Variants in GNAL observed in about 807,000 individuals in gnomAD.
The protein encoded by GNAL is G protein subunit alpha L.
In GNAL, 18 loss-of-function variants were observed where a neutral mutation model predicts 55.1. The ratio of observed to expected loss-of-function variants is 0.33; its 90% CI spans 0.23 to 0.48. The LOEUF is 0.48. Ranked by LOEUF, GNAL falls within the 20% of genes least tolerant of loss-of-function variation. The pLI is 0.99. For missense variants in GNAL, 412 were observed against 614.1 expected (o/e 0.67, Z 3.48); for synonymous variants, 253 against 237.0 (o/e 1.07, Z -0.62).
At chr18:11,756,625 A>G (rs1044478765) in intron 4 of GNAL, among the ~76,000 whole-genome samples, 1 of 152,036 alleles carries the variant, frequency 6.6e-6, no homozygotes, top group African/African-American at 2.4e-5. Context: ...TGAAAATGCT[A>G]TTTTTAATTT....
At chr18:11,699,621 A>G (rs1366082617) in intron 1 of GNAL, among the ~76,000 whole-genome samples, 1 of 151,974 alleles carries the variant, frequency 6.6e-6, no homozygotes, top group African/African-American at 2.4e-5. Flanking sequence ...ATTACCTTCT[A>G]TCAGCTAAAG....
intron 5 of GNAL, among the ~76,000 whole-genome samples, chr18:11,861,169 G>A (rs1567897857): frequency 1.3e-5 from 2 of 152,310 alleles, no homozygotes; most frequent in East Asian, 1.9e-4. Flanking sequence ...GCAGCCTCCA[G>A]GCCGTCCATC....
intron 1 of GNAL, among the ~76,000 whole-genome samples, chr18:11,724,153 G>A (rs1256470740): frequency 6.6e-6 from 1 of 152,112 alleles, no homozygotes; most frequent in East Asian, 1.9e-4. Flanking sequence ...CCTGAGACTG[G>A]GAAACTTATA....
intron 7 of GNAL, among the ~76,000 whole-genome samples, chr18:11,865,839 A>G (rs1430372146): frequency 6.8e-6 from 1 of 147,660 alleles, no homozygotes; most frequent in Non-Finnish European, 1.5e-5. Flanking sequence ...TTGCATATCT[A>G]CTATGCAGCC....
chr18:11,788,812 G>A (rs1331097961), intron 4 of GNAL, among the ~76,000 whole-genome samples: 3 of 148,338 alleles, frequency 2.0e-5, no homozygotes, highest in African/African-American at 5.0e-5. Context: ...CAGGAGAATC[G>A]CTTGAATCTG....
intron 5 of GNAL, among the ~76,000 whole-genome samples, chr18:11,827,208 C>T (rs958983269): frequency 6.6e-6 from 1 of 152,132 alleles, no homozygotes; most frequent in Non-Finnish European, 1.5e-5. Flanking sequence ...GAGAATGGAG[C>T]GCACACCTGC....
chr18:11,812,309 G>A (rs2034836831), intron 4 of GNAL, among the ~76,000 whole-genome samples: 1 of 152,116 alleles, frequency 6.6e-6, no homozygotes, highest in African/African-American at 2.4e-5. Flanking sequence ...ATGAGTAAAA[G>A]CAGTAGAAAT....
In GNAL at chr18:11,752,620, G is replaced by A. The variant is rs749915437; in HGVS notation, c.377-233G>A. The A allele has an allele frequency of 1.1e-5, 17 of 1,553,450 alleles. No homozygotes were observed. Among genetic ancestry groups the A allele is most frequent in the Non-Finnish European group, 1.1e-5 (13 of 1,157,830 alleles). ...CGCGGCGGCTCCCGGCCCCAGCGGA[G>A]CGCACAGCCAGGAGCGGCGAGCGCC... On this transcript the variant is annotated intron_variant, in intron 1 of 11. Coordinates refer to ENST00000334049, the MANE Select transcript of GNAL (RefSeq NM_182978.4). The surrounding 1 kb of genome is among the most constrained non-coding windows in gnomAD (Gnocchi z 4.5).
intron 5 of GNAL, chr18:11,851,698 G>A: frequency 6.2e-7 from 1 of 1,614,052 alleles, no homozygotes; most frequent in Non-Finnish European, 8.5e-7. Flanking sequence ...GAACCAGGCG[G>A]TGAATTTCTT....
chr18:11,690,916 A>C lies in GNAL; in HGVS notation c.376+977A>C, dbSNP rs966452373. ...GCTAATGTGAATAGTGCTGCAATAAACGTACGTGTGCATGTGTCTTTATAG... is the reference window on the plus strand; with the variant it reads ...GCTAATGTGAATAGTGCTGCAATAACCGTACGTGTGCATGTGTCTTTATAG... On this transcript the variant is annotated intron_variant, in intron 1 of 11. Coordinates refer to ENST00000334049, the MANE Select transcript of GNAL (RefSeq NM_182978.4). 4.0e-3 allele frequency among the ~76,000 whole-genome samples: 601 copies of C among 150,270 alleles called. 3 individuals are homozygous for C. Among genetic ancestry groups the C allele is most frequent in the African/African-American group, 0.014 (558 of 39,962 alleles).
intron 4 of GNAL, among the ~76,000 whole-genome samples, chr18:11,796,780 T>C (rs1426012663): frequency 1.3e-5 from 2 of 152,186 alleles, no homozygotes; most frequent in African/African-American, 4.8e-5. Flanking sequence ...CAGTTAATAA[T>C]GCTTCTACAA....
chr18:11,876,190 CAT>C (rs2036527496), intron 10 of GNAL, among the ~76,000 whole-genome samples: 1 of 152,158 alleles, frequency 6.6e-6, no homozygotes, highest in Non-Finnish European at 1.5e-5. Context: ...ATGAAAATTA[CAT>C]GTTTGGCTGG....
At chr18:11,834,577 G>T (rs1487640239) in intron 5 of GNAL, among the ~76,000 whole-genome samples, 1 of 152,046 alleles carries the variant, frequency 6.6e-6, no homozygotes, top group Non-Finnish European at 1.5e-5. Context: ...AATTAGCTAA[G>T]TGGGGTGGTG....
chr18:11,779,480 G>A (rs554422729), intron 4 of GNAL, among the ~76,000 whole-genome samples: 7 of 152,234 alleles, frequency 4.6e-5, no homozygotes, highest in Middle Eastern at 3.4e-3. Context: ...CTTGTGTGGC[G>A]GGGGTTAAAC....
Position 11,885,196 on chromosome 18 carries a change from AGCATCATGAG to A in GNAL, c.*4062_*4071del, listed in dbSNP as rs2037007708. 6.5e-6 allele frequency: 3 copies of A among 461,300 alleles called. No homozygotes were observed. The South Asian group carries it at 7.8e-5, about 12-fold the overall frequency. 28.6% of individuals were successfully genotyped at this position (461,300 alleles called of 1,614,324 possible). The stretch of plus-strand genomic sequence containing the variant: ...ATGAAGTAAAAGAACCTGTCGTACC[AGCATCATGAG>A]CTGGATGCAGGAGCCCATGGCTGAA... On this transcript the variant is annotated 3_prime_UTR_variant, in exon 12 of 12. Coordinates refer to ENST00000334049, the MANE Select transcript of GNAL (RefSeq NM_182978.4).
In GNAL at chr18:11,868,415, TG is replaced by T; in HGVS notation, c.911-127del. On this transcript the variant is annotated intron_variant, in intron 8 of 11. Transcript: ENST00000334049. This position sits in a 1 kb window ranked among gnomAD's most constrained non-coding sequence, Gnocchi z 4.0. ...TGCGCGGCGCACCTGCAGGCTGTTC[TG>T]TGACTGAATAGTCCTATCACTGAAT... is the stretch of plus-strand genomic sequence containing the variant. The T allele has an allele frequency of 1.3e-6, 1 of 757,998 alleles. No homozygotes were observed. Among genetic ancestry groups the T allele is most frequent in the Non-Finnish European group, 2.1e-6 (1 of 475,886 alleles). The allele number at this position is 757,998 out of a possible 1,614,324, so 47.0% of individuals were successfully genotyped here. A position where few individuals can be genotyped will look rare whatever the true frequency, so the allele number is the denominator to read the frequency against.
At chr18:11,763,029 G>A (rs531775133) in intron 4 of GNAL, among the ~76,000 whole-genome samples, 3 of 152,242 alleles carry the variant, frequency 2.0e-5, no homozygotes, top group East Asian at 1.9e-4. Context: ...TAGATTAACC[G>A]TATTAGAGCT....
At chr18:11,875,071 G>T (rs901241545) in intron 10 of GNAL, among the ~76,000 whole-genome samples, 4 of 152,180 alleles carry the variant, frequency 2.6e-5, no homozygotes, top group Non-Finnish European at 4.4e-5. Flanking sequence ...CCTCAGAAAG[G>T]CCTAGAGCTA....
chr18:11,741,274 G>GAC (rs2032569708), intron 1 of GNAL, among the ~76,000 whole-genome samples: 1 of 152,194 alleles, frequency 6.6e-6, no homozygotes, highest in Non-Finnish European at 1.5e-5. Context: ...CAACAGAACA[G>GAC]ACCCCTGTGA....
Sources: gnomAD v4.1 joint callset for allele counts (sites outside exome capture counted in the v4.1 genomes callset) on GRCh38, gnomAD v4.1.1 for gene constraint, Gnocchi (gnomAD v3.1) non-coding constraint, MANE v1.5 for transcripts, NCBI Gene and HGNC (gene_info 2026-07-23, HGNC 2026-07-21) for gene names.